The following PPARGC1A variants were observed in gnomAD, a reference collection of about 807,000 sequenced individuals.
PPARGC1A encodes the protein PPARG coactivator 1 alpha, also known as peroxisome proliferator-activated receptor gamma coactivator 1-alpha.
Under a neutral mutation model 88.7 loss-of-function variants are expected in PPARGC1A, and 25 were observed. That is an observed-to-expected ratio of 0.28 (90% CI 0.21 to 0.39). The LOEUF is 0.39. Ranked by LOEUF, PPARGC1A falls within the 10% of genes least tolerant of loss-of-function variation. The pLI, the probability that PPARGC1A is intolerant of heterozygous loss-of-function variation, is 1.00. For missense variants in PPARGC1A, 880 were observed against 968.7 expected (o/e 0.91, Z 1.22); for synonymous variants, 363 against 355.6 (o/e 1.02, Z -0.24).
chr4:23,958,761 T>C, the PPARGC1A span, among the ~76,000 whole-genome samples: 1 of 152,096 alleles, frequency 6.6e-6, no homozygotes, highest in Non-Finnish European at 1.5e-5. Flanking sequence ...AGTAACAGAA[T>C]TGTCTTTAAT....
At position 23,831,676 on chromosome 4, in the gene PPARGC1A, C is replaced by G. The variant is rs772000021; in HGVS notation, c.310G>C (p.Asp104His). 1 of 1,613,968 alleles carries G rather than the reference C, an allele frequency of 6.2e-7. No individual in the cohort carries two copies. The highest frequency in any genetic ancestry group is 1.1e-5 in the South Asian group (1 of 91,076). The change falls in exon 3 of 13, where the codon GAC (aspartate) becomes CAC (histidine). Residue 104 changes from aspartate to histidine, a missense_variant. Physicochemically the swap from Asp to His is moderately conservative, Grantham distance 81 (BLOSUM62 -1). Transcript: ENST00000264867. ...AGCGCATCAAATGAGGGCAATCCGT[C>G]TTCATCCACAGGGAGACTGTCTAGT... ...ETLDSLPVDEDGLPSFDALTD... is the reference protein window; with the variant it reads ...ETLDSLPVDEHGLPSFDALTD...
At chr4:24,108,134 T>C in the PPARGC1A span, among the ~76,000 whole-genome samples, 1 of 152,174 alleles carries the variant, frequency 6.6e-6, no homozygotes, top group African/African-American at 2.4e-5. Context: ...TATGCCTAAA[T>C]TGCCTTGGTT....
At chr4:24,385,200 C>T in the PPARGC1A span, among the ~76,000 whole-genome samples, 2 of 152,082 alleles carry the variant, frequency 1.3e-5, no homozygotes, top group Non-Finnish European at 2.9e-5. Context: ...CCAATGAGAA[C>T]AGAGACACAA....
chr4:24,131,627 C>T, the PPARGC1A span, among the ~76,000 whole-genome samples: 1 of 152,196 alleles, frequency 6.6e-6, no homozygotes. Flanking sequence ...TGTATGTTTT[C>T]CCTTCTGCAA....
At chr4:23,809,867 C>G (rs1174080173) in intron 10 of PPARGC1A, among the ~76,000 whole-genome samples, 2 of 152,092 alleles carry the variant, frequency 1.3e-5, no homozygotes, top group African/African-American at 4.8e-5. Context: ...GTCTTATACC[C>G]TCTCTGAGGA....
chr4:24,199,084 G>A, the PPARGC1A span, among the ~76,000 whole-genome samples: 9 of 152,076 alleles, frequency 5.9e-5, no homozygotes, highest in Non-Finnish European at 1.3e-4. Flanking sequence ...TCTGTTGATT[G>A]GAAGAAGGAT....
intron 2 of PPARGC1A, among the ~76,000 whole-genome samples, chr4:23,837,542 T>TC (rs1348476859): frequency 6.6e-6 from 1 of 151,872 alleles, no homozygotes; most frequent in Non-Finnish European, 1.5e-5. Flanking sequence ...CTGGGCCAAC[T>TC]CCCCCCAAAT....
At chr4:23,952,676 T>G in the PPARGC1A span, among the ~76,000 whole-genome samples, 1 of 152,170 alleles carries the variant, frequency 6.6e-6, no homozygotes, top group African/African-American at 2.4e-5. Context: ...AGAATATGAC[T>G]ATGAGAAGAT....
chr4:23,917,484 C>A, the PPARGC1A span, among the ~76,000 whole-genome samples: 87 of 151,900 alleles, frequency 5.7e-4, no homozygotes, highest in Middle Eastern at 6.8e-3. Flanking sequence ...CCACCACGCC[C>A]GGCTAATTTT....
chr4:24,437,601 TTG>T, the PPARGC1A span, among the ~76,000 whole-genome samples: 31 of 67,978 alleles, frequency 4.6e-4, no homozygotes, highest in South Asian at 3.8e-3. Context: ...TTTTTTGTTG[TTG>T]TTGTTGTTGT....
the PPARGC1A span, among the ~76,000 whole-genome samples, chr4:24,305,230 T>A: frequency 6.7e-6 from 1 of 150,266 alleles, no homozygotes; most frequent in African/African-American, 2.4e-5. Context: ...ATTTTCTTAG[T>A]GATAGCATGA....
chr4:24,064,744 C>G, the PPARGC1A span, among the ~76,000 whole-genome samples: 1 of 152,092 alleles, frequency 6.6e-6, no homozygotes, highest in African/African-American at 2.4e-5. Context: ...AGACATTATC[C>G]TTTCTGGGGT....
At chr4:24,326,705 C>A in the PPARGC1A span, among the ~76,000 whole-genome samples, 96 of 152,302 alleles carry the variant, frequency 6.3e-4, no homozygotes, top group African/African-American at 2.2e-3. Flanking sequence ...ATCTCCCAAA[C>A]CTCAATCCCT....
At chr4:23,898,606 C>T (rs183000680) in intron 1 of PPARGC1A, among the ~76,000 whole-genome samples, 97 of 152,260 alleles carry the variant, frequency 6.4e-4, no homozygotes, top group African/African-American at 2.1e-3. Flanking sequence ...TTTCCTGCAA[C>T]CAGGAAGAAG....
chr4:24,446,623 G>A, the PPARGC1A span, among the ~76,000 whole-genome samples: 4 of 144,450 alleles, frequency 2.8e-5, no homozygotes, highest in Admixed American at 7.0e-5. Flanking sequence ...TCTTGATGGA[G>A]TCTTGCTCTG....
the PPARGC1A span, among the ~76,000 whole-genome samples, chr4:24,377,113 G>A: frequency 0.025 from 3,740 of 151,604 alleles, 131 homozygotes; most frequent in East Asian, 0.081. Flanking sequence ...AAAAAATCTA[G>A]GAAATTAAAT....
the PPARGC1A span, among the ~76,000 whole-genome samples, chr4:23,978,751 G>A: frequency 5.3e-5 from 8 of 152,116 alleles, no homozygotes; most frequent in African/African-American, 1.9e-4. Flanking sequence ...TATTTAAAGC[G>A]ACTGGGGAGG....
chr4:24,377,647 T>C, the PPARGC1A span, among the ~76,000 whole-genome samples: 1 of 152,184 alleles, frequency 6.6e-6, no homozygotes, highest in South Asian at 2.1e-4. Flanking sequence ...TGAAAAGTGT[T>C]ACTGTCATTA....
the PPARGC1A span, among the ~76,000 whole-genome samples, chr4:24,183,987 G>C: frequency 5.2e-4 from 79 of 152,284 alleles, no homozygotes; most frequent in African/African-American, 1.9e-3. Flanking sequence ...ATCTTCTTTT[G>C]CTACATTCCT....
Sources: allele counts gnomAD v4.1 joint callset (sites outside exome capture counted in the v4.1 genomes callset), GRCh38; gene constraint gnomAD v4.1.1; transcripts MANE v1.5; gene names NCBI Gene and HGNC (gene_info 2026-07-23, HGNC 2026-07-21).